The following BRCA2 variants were observed in gnomAD, a reference collection of about 807,000 sequenced individuals.
BRCA2 encodes the protein BRCA2 DNA repair associated.
A neutral mutation model predicts 276.7 loss-of-function variants in BRCA2; 203 were observed. The ratio of observed to expected loss-of-function variants is 0.73; its 90% CI spans 0.65 to 0.82. The LOEUF (loss-of-function observed/expected upper bound fraction) is 0.82. Among genes scored for constraint, BRCA2 ranks in the 40% least tolerant of loss-of-function variants. The pLI is 0.00. For missense variants in BRCA2, 3,920 were observed against 3,915.0 expected (o/e 1.00, Z -0.03); for synonymous variants, 1,289 against 1,338.4 (o/e 0.96, Z 0.81).
At chr13:32,369,547 G>T (rs1218537747) in intron 18 of BRCA2, among the ~76,000 whole-genome samples, 4 of 152,150 alleles carry the variant, frequency 2.6e-5, no homozygotes, top group African/African-American at 9.7e-5. Context: ...AAATGGAGAT[G>T]AGTCTTCAGA....
At chr13:32,351,123 C>CT (rs1227882077) in intron 13 of BRCA2, among the ~76,000 whole-genome samples, 7 of 152,216 alleles carry the variant, frequency 4.6e-5, no homozygotes, top group African/African-American at 1.7e-4. Context: ...AGCCGCTCGG[C>CT]TCCACTTCCA....
rs759009098 is a variant in BRCA2, at chr13:32,357,829, GGTAAGGAAA to G, written c.7708_7716del (p.Lys2570_Ser2572del). 3.1e-6 allele frequency: 5 copies of G among 1,613,806 alleles called. No individual in the cohort carries two copies. The South Asian group carries it at 5.5e-5, about 18-fold the overall frequency. ...TCAGTTTCACACTGAAGATTATTTT[GGTAAGGAAA>G]GTTTATGGACTGGAAAAGGAATACA... On this transcript the variant is annotated inframe_deletion, in exon 16 of 27. Coordinates refer to ENST00000380152, the MANE Select transcript of BRCA2 (RefSeq NM_000059.4).
Position 32,399,142 on chromosome 13 carries a change from GAAA to G in BRCA2, c.*380_*382del. ...ATAGGGAGACCCCCATCTTTACAAA[GAAA>G]AAAAAAAGGGGAAAAGAAAATCTTT... On this transcript the variant is annotated 3_prime_UTR_variant, in exon 27 of 27. Coordinates refer to ENST00000380152, the MANE Select transcript of BRCA2 (RefSeq NM_000059.4). 1 of 199,778 alleles carries G rather than the reference GAAA, an allele frequency of 5.0e-6. No individual in the cohort carries two copies. The highest frequency in any genetic ancestry group is 9.9e-6 in the Non-Finnish European group (1 of 101,122). 12.4% of individuals were successfully genotyped at this position (199,778 alleles called of 1,614,324 possible). A position where few individuals can be genotyped will look rare whatever the true frequency, so the allele number is the denominator to read the frequency against.
chr13:32,376,134 ATATACC>A (rs2072869646), intron 20 of BRCA2, among the ~76,000 whole-genome samples: 1 of 152,204 alleles, frequency 6.6e-6, no homozygotes, highest in South Asian at 2.1e-4. Context: ...ATTAAAACAA[ATATACC>A]TATGTTAACT....
chr13:32,369,296 C>T (rs1471010437), intron 18 of BRCA2, among the ~76,000 whole-genome samples: 12 of 152,004 alleles, frequency 7.9e-5, no homozygotes, highest in Admixed American at 7.9e-4. Context: ...CACCTGGCTA[C>T]TTGGGATAGG....
chr13:32,379,594 A>G (rs1361942315), intron 22 of BRCA2, 79 bp downstream of exon 22: 2 of 1,549,982 alleles, frequency 1.3e-6, no homozygotes, highest in East Asian at 2.3e-5. Context: ...TTATAAATCC[A>G]GATAAAGTAT....
At position 32,316,482 on chromosome 13, in the gene BRCA2, A is replaced by G. The variant is rs2138698171; in HGVS notation, c.22A>G (p.Arg8Gly). Residue 8 changes from arginine to glycine, a missense_variant, in exon 2 of 27, where the codon AGG becomes GGG. Physicochemically the swap from Arg to Gly is moderately radical, Grantham distance 125. This residue lies in a region of BRCA2 where 3,263 missense variants were observed against 3,156.9 expected (regional missense o/e 1.03). Transcript: ENST00000380152. MPIGSKE[R>G]PTFFEIFKTR... is the part of the protein sequence containing the mutation. ...AAAAATGCCTATTGGATCCAAAGAG[A>G]GGCCAACATTTTTTGAAATTTTTAA... The G allele has an allele frequency of 1.2e-6, 2 of 1,614,122 alleles. No homozygotes were observed. Among genetic ancestry groups the G allele is most frequent in the Non-Finnish European group, 1.7e-6 (2 of 1,179,978 alleles).
At chr13:32,398,019 A>G in intron 26 of BRCA2, 143 bp from the exon 27 acceptor site, 2 of 763,730 alleles carry the variant, frequency 2.6e-6, no homozygotes, top group South Asian at 3.9e-5. Flanking sequence ...GTGAACTGAA[A>G]TCACCTAACC....
chr13:32,397,178 G>C, intron 26 of BRCA2, 134 bp downstream of exon 26: 1 of 1,003,082 alleles, frequency 1.0e-6, no homozygotes. Context: ...TGTGGCTCCT[G>C]TAAGTATAGT....
At chr13:32,347,664 A>C (rs1038206979) in intron 13 of BRCA2, among the ~76,000 whole-genome samples, 5 of 152,314 alleles carry the variant, frequency 3.3e-5, no homozygotes, top group Admixed American at 2.6e-4. Flanking sequence ...TCTGTATGTC[A>C]AGCAGTGAGA....
chr13:32,389,778 A>G (rs1226653510), intron 24 of BRCA2, among the ~76,000 whole-genome samples: 1 of 152,190 alleles, frequency 6.6e-6, no homozygotes, highest in Non-Finnish European at 1.5e-5. Flanking sequence ...ATTAGTCACA[A>G]TGTATCCTGT....
At chr13:32,341,359 AT>A (rs2072568376) in intron 11 of BRCA2, among the ~76,000 whole-genome samples, 163 bp downstream of exon 11, 3 of 152,170 alleles carry the variant, frequency 2.0e-5, no homozygotes, top group South Asian at 2.1e-4. Context: ...AGATACACAG[AT>A]TCAGTATTCG....
chr13:32,357,656 T>G (rs1387930905), intron 15 of BRCA2, 86 bp from the exon 16 acceptor site: 8 of 1,424,204 alleles, frequency 5.6e-6, no homozygotes, highest in Non-Finnish European at 7.7e-6. Context: ...GTAAATTCAG[T>G]TTTGGTTTGT....
intron 18 of BRCA2, 140 bp from the exon 19 acceptor site, chr13:32,370,261 AC>A (rs1444970778): frequency 1.3e-6 from 1 of 741,326 alleles, no homozygotes; most frequent in Non-Finnish European, 2.2e-6. Context: ...TTACTTATTT[AC>A]TGTCTTACTA....
chr13:32,353,815 C>T (rs2072668602), intron 13 of BRCA2, among the ~76,000 whole-genome samples: 1 of 152,120 alleles, frequency 6.6e-6, no homozygotes. Flanking sequence ...ATTAGGAAGA[C>T]CACGTATGCT....
intron 6 of BRCA2, 31 bp downstream of exon 6, chr13:32,326,313 C>A: frequency 6.3e-7 from 1 of 1,598,170 alleles, no homozygotes; most frequent in Non-Finnish European, 8.6e-7. Flanking sequence ...ATTTTTATGA[C>A]TTAGTAATTG....
chr13:32,383,233 G>A (rs753266366), intron 24 of BRCA2, among the ~76,000 whole-genome samples: 1 of 144,410 alleles, frequency 6.9e-6, no homozygotes. Flanking sequence ...GGTGGCGGGC[G>A]CCTGCAGTCT....
intron 8 of BRCA2, 85 bp downstream of exon 8, chr13:32,329,577 A>G: frequency 9.1e-7 from 1 of 1,103,446 alleles, no homozygotes; most frequent in Non-Finnish European, 1.3e-6. Flanking sequence ...TACATTTTTA[A>G]TTTCCTAATC....
At chr13:32,396,698 C>G in intron 25 of BRCA2, 200 bp from the exon 26 acceptor site, 1 of 618,638 alleles carries the variant, frequency 1.6e-6, no homozygotes, top group South Asian at 1.9e-5. Flanking sequence ...TCCCCTCTCC[C>G]TATCAGCTAG....
Sources: gnomAD v4.1 joint callset for allele counts (sites outside exome capture counted in the v4.1 genomes callset) on GRCh38, gnomAD v4.1.1 for gene constraint, gnomAD v4.1.1 regional missense constraint, MANE v1.5 for transcripts, NCBI Gene and HGNC (gene_info 2026-07-23, HGNC 2026-07-21) for gene names.